RAB7A: variants seen among roughly 807,000 people sequenced by gnomAD.
RAB7A encodes the protein RAB7A, member RAS oncogene family.
RAB7A carries 2 observed loss-of-function variants against 24.5 expected under a neutral mutation model. That is an observed-to-expected ratio of 0.08 (90% CI 0.03 to 0.26). The LOEUF is 0.26. Ranked by LOEUF, RAB7A falls within the 10% of genes least tolerant of loss-of-function variation. The probability of loss-of-function intolerance (pLI) is 1.00; values close to 1 mark genes in which losing one functional copy is unlikely to be tolerated. For missense variants in RAB7A, 118 were observed against 255.7 expected (o/e 0.46, Z 3.67); for synonymous variants, 100 against 95.9 (o/e 1.04, Z -0.25).
chr3:128,731,685 A>G (rs940647213), intron 1 of RAB7A, among the ~76,000 whole-genome samples: 1 of 152,116 alleles, frequency 6.6e-6, no homozygotes, highest in Non-Finnish European at 1.5e-5. Context: ...CTAGTGCCCT[A>G]AAGACCACGA....
chr3:128,812,243 T>C (rs1933943872), intron 5 of RAB7A, among the ~76,000 whole-genome samples: 1 of 152,176 alleles, frequency 6.6e-6, no homozygotes, highest in Non-Finnish European at 1.5e-5. Flanking sequence ...GCCTCCTGAG[T>C]AGCTGGGATT....
At chr3:128,812,533 C>G (rs766134221) in intron 5 of RAB7A, among the ~76,000 whole-genome samples, 31 of 152,306 alleles carry the variant, frequency 2.0e-4, no homozygotes, top group Non-Finnish European at 4.1e-4. Context: ...CCTGCTTTAT[C>G]TCCAAATTCT....
rs1176753606 is a variant in RAB7A at position 128,740,234 on chromosome 3, AGCTGGGTGTGGTG to A, written c.-9+13878_-9+13890del. ...CTCTACTAAAACAAATACAACAATT[AGCTGGGTGTGGTG>A]GCGTGCACTTGTAATCCCAGCTACT... On this transcript the variant is annotated intron_variant, in intron 1 of 5. Coordinates refer to ENST00000265062, the MANE Select transcript of RAB7A (RefSeq NM_004637.6). Among the ~76,000 whole-genome samples, 10 of 151,910 alleles carry A rather than the reference AGCTGGGTGTGGTG, an allele frequency of 6.6e-5. No individual in the cohort carries two copies. In the East Asian group the frequency reaches 9.7e-4, roughly 15 times the overall value.
intron 1 of RAB7A, among the ~76,000 whole-genome samples, chr3:128,757,965 A>T (rs561775840): frequency 1.5e-4 from 23 of 150,278 alleles, no homozygotes; most frequent in Non-Finnish European, 1.8e-4. Context: ...AGCCTATTTT[A>T]TTTTTTTTAT....
At chr3:128,764,271 C>A (rs540194028) in intron 1 of RAB7A, among the ~76,000 whole-genome samples, 1 of 152,086 alleles carries the variant, frequency 6.6e-6, no homozygotes, top group African/African-American at 2.4e-5. Flanking sequence ...CCTGTAATAG[C>A]TTTGCTACCG....
intron 1 of RAB7A, among the ~76,000 whole-genome samples, chr3:128,778,191 A>G (rs1933138081): frequency 1.3e-5 from 2 of 152,216 alleles, no homozygotes; most frequent in African/African-American, 2.4e-5. Flanking sequence ...TGTCCAATAT[A>G]GTAGCTATGG....
At chr3:128,799,056 T>C (rs1377674466) in intron 3 of RAB7A, 3 of 161,592 alleles carry the variant, frequency 1.9e-5, no homozygotes, top group Non-Finnish European at 4.1e-5. Context: ...TTTACAGTAA[T>C]TTTCCCAGCT....
In RAB7A at chr3:128,735,703, C is replaced by A. The variant is rs150160329; in HGVS notation, c.-9+9344C>A. 6.9e-3 allele frequency among the ~76,000 whole-genome samples: 1,048 copies of A among 152,290 alleles called. 5 individuals carry two copies. The highest frequency in any genetic ancestry group is 0.012 in the South Asian group (59 of 4,824). On this transcript the variant is annotated intron_variant, in intron 1 of 5. Coordinates refer to ENST00000265062, the MANE Select transcript of RAB7A (RefSeq NM_004637.6). ...CAGTTAGTTTGGTTTTCCTCTTTAG[C>A]CAGCCCATTGTGGGCTCCTCTTAGC...
chr3:128,796,569 G>C (rs1174026240), intron 2 of RAB7A, among the ~76,000 whole-genome samples: 1 of 152,188 alleles, frequency 6.6e-6, no homozygotes, highest in Non-Finnish European at 1.5e-5. Flanking sequence ...AGCAAATGCA[G>C]GTATGCTTCT....
chr3:128,785,221 A>G (rs1181277956), intron 1 of RAB7A: 1 of 152,048 alleles, frequency 6.6e-6, no homozygotes, highest in African/African-American at 2.4e-5. Context: ...GAGCCACAGG[A>G]GTTCTGGGTT....
intron 1 of RAB7A, among the ~76,000 whole-genome samples, chr3:128,753,004 A>G (rs1257802285): frequency 6.6e-6 from 1 of 152,246 alleles, no homozygotes; most frequent in African/African-American, 2.4e-5. Context: ...GTTCTGTTGC[A>G]TAAGACACAA....
intron 3 of RAB7A, chr3:128,799,221 AG>A (rs1236436859): frequency 1.3e-5 from 2 of 151,880 alleles, no homozygotes; most frequent in Admixed American, 6.6e-5. Context: ...AGGCAAGAAA[AG>A]ATGGTGGAAA....
At chr3:128,738,721 A>T (rs2070517681) in intron 1 of RAB7A, among the ~76,000 whole-genome samples, 1 of 152,200 alleles carries the variant, frequency 6.6e-6, no homozygotes, top group Non-Finnish European at 1.5e-5. Context: ...AGACTGATTT[A>T]CCTGTTTTTC....
intron 1 of RAB7A, among the ~76,000 whole-genome samples, chr3:128,727,056 T>G (rs1449182645): frequency 2.0e-5 from 3 of 152,228 alleles, no homozygotes; most frequent in Non-Finnish European, 4.4e-5. Flanking sequence ...CGACCGTGTT[T>G]GGGGCCTCTT....
intron 1 of RAB7A, among the ~76,000 whole-genome samples, chr3:128,733,869 C>T (rs1016656372): frequency 6.6e-6 from 1 of 152,174 alleles, no homozygotes; most frequent in Non-Finnish European, 1.5e-5. Flanking sequence ...GTAGATATGG[C>T]CAGTTTTCAA....
intron 1 of RAB7A, among the ~76,000 whole-genome samples, chr3:128,750,488 C>T (rs1405652943): frequency 6.6e-6 from 1 of 152,136 alleles, no homozygotes; most frequent in Admixed American, 6.5e-5. Flanking sequence ...TCTCGAACTC[C>T]TGACTTCAGG....
At chr3:128,777,393 G>T (rs1268624142) in intron 1 of RAB7A, among the ~76,000 whole-genome samples, 1 of 151,858 alleles carries the variant, frequency 6.6e-6, no homozygotes, top group African/African-American at 2.4e-5. Context: ...GTAGAGATGG[G>T]GTCTCCCTAT....
chr3:128,801,642 G>A (rs1288450074), intron 3 of RAB7A, among the ~76,000 whole-genome samples: 2 of 152,146 alleles, frequency 1.3e-5, no homozygotes, highest in East Asian at 3.8e-4. Flanking sequence ...CCAGAAAAGG[G>A]CTGGAAGAAT....
rs536890433 is a variant in RAB7A, at chr3:128,780,755, A to G, written c.-8-14605A>G. On this transcript the variant is annotated intron_variant, in intron 1 of 5. Coordinates refer to ENST00000265062, the MANE Select transcript of RAB7A (RefSeq NM_004637.6). ...ATTTTAGCATGAAGTGGATAGGATCATGAGTGGTAACCCATGTTCTTAGGG... is the reference window on the plus strand; with the variant it reads ...ATTTTAGCATGAAGTGGATAGGATCGTGAGTGGTAACCCATGTTCTTAGGG... Among the ~76,000 whole-genome samples, 5 of 152,364 alleles carry G rather than the reference A, an allele frequency of 3.3e-5. No individual in the cohort carries two copies. In the East Asian group the frequency reaches 5.8e-4, roughly 18 times the overall value.
Sources: allele counts gnomAD v4.1 joint callset (sites outside exome capture counted in the v4.1 genomes callset), GRCh38; gene constraint gnomAD v4.1.1; transcripts MANE v1.5; gene names NCBI Gene and HGNC (gene_info 2026-07-23, HGNC 2026-07-21).